The following MGMT variants were observed in gnomAD, a reference collection of about 807,000 sequenced individuals.
MGMT encodes the protein O-6-methylguanine-DNA methyltransferase.
A neutral mutation model predicts 15.9 loss-of-function variants in MGMT; 14 were observed. The observed-to-expected ratio is 0.88, with a 90% CI of 0.58 to 1.37. The LOEUF is 1.37. Among genes scored for constraint, MGMT ranks in the 40% most tolerant of loss-of-function variants. MGMT has a pLI of 0.00. For synonymous variants in MGMT, 130 were observed against 118.2 expected (o/e 1.10, Z -0.65); for missense variants, 282 against 268.1 (o/e 1.05, Z -0.36).
chr10:129,625,031 A>G (rs1847131147), intron 2 of MGMT, among the ~76,000 whole-genome samples: 1 of 152,230 alleles, frequency 6.6e-6, no homozygotes, highest in Non-Finnish European at 1.5e-5. Flanking sequence ...GCCAAACCTG[A>G]TGAAGAAAAA....
intron 2 of MGMT, among the ~76,000 whole-genome samples, chr10:129,704,536 C>T (rs1449562909): frequency 6.6e-6 from 1 of 152,136 alleles, no homozygotes; most frequent in Admixed American, 6.5e-5. Flanking sequence ...TGTCTGGCCG[C>T]AGTGTCCACG....
chr10:129,494,999 G>T (rs1845506257), intron 1 of MGMT, among the ~76,000 whole-genome samples: 1 of 152,194 alleles, frequency 6.6e-6, no homozygotes, highest in African/African-American at 2.4e-5. Flanking sequence ...AAGCGGAGAA[G>T]AATAAAAGAT....
intron 2 of MGMT, among the ~76,000 whole-genome samples, chr10:129,570,602 G>A (rs1358755178): frequency 1.3e-5 from 2 of 152,234 alleles, no homozygotes; most frequent in African/African-American, 4.8e-5. Context: ...GCAACATAAT[G>A]AGTTCTGTTT....
intron 1 of MGMT, among the ~76,000 whole-genome samples, chr10:129,480,131 T>C (rs1455392590): frequency 2.6e-5 from 4 of 152,240 alleles, no homozygotes; most frequent in Admixed American, 6.5e-5. Flanking sequence ...CTTCTCCTGC[T>C]TCATTCAGTC....
chr10:129,697,676 A>G (rs1848047664), intron 2 of MGMT, among the ~76,000 whole-genome samples: 1 of 152,168 alleles, frequency 6.6e-6, no homozygotes, highest in African/African-American at 2.4e-5. Flanking sequence ...AACCGTGTTC[A>G]TGTACCCCTG....
intron 2 of MGMT, among the ~76,000 whole-genome samples, chr10:129,630,764 C>T (rs1358490699): frequency 1.3e-5 from 2 of 152,226 alleles, no homozygotes; most frequent in Non-Finnish European, 2.9e-5. Flanking sequence ...CTGCTAAATA[C>T]CAATTACTGA....
chr10:129,751,487 T>A (rs1848750038), intron 3 of MGMT, among the ~76,000 whole-genome samples: 1 of 151,960 alleles, frequency 6.6e-6, no homozygotes, highest in South Asian at 2.1e-4. Context: ...TGGATTTTAC[T>A]CTTATCATTT....
chr10:129,606,737 C>G lies in MGMT; in HGVS notation c.125+70360C>G, dbSNP rs942741984. ...TTAATACAGACTAATTACACAGAAT[C>G]TTTCGTCTACGGTGGGATAATAATG... On this transcript the variant is annotated intron_variant, in intron 2 of 4. Coordinates refer to ENST00000651593, the MANE Select transcript of MGMT (RefSeq NM_002412.5). 3.3e-5 allele frequency among the ~76,000 whole-genome samples: 5 copies of G among 152,130 alleles called. No individual in the cohort carries two copies. In the East Asian group the frequency reaches 9.6e-4, roughly 29 times the overall value.
intron 1 of MGMT, among the ~76,000 whole-genome samples, chr10:129,470,032 G>A (rs1231334104): frequency 3.3e-5 from 5 of 152,142 alleles, no homozygotes; most frequent in Non-Finnish European, 5.9e-5. Flanking sequence ...TTATTTAAAC[G>A]AAACCTGAAG....
At chr10:129,564,714 C>G (rs1186468767) in intron 2 of MGMT, among the ~76,000 whole-genome samples, 1 of 147,408 alleles carries the variant, frequency 6.8e-6, no homozygotes, top group Non-Finnish European at 1.5e-5. Context: ...TCTTCCTCCT[C>G]CTCCTGCCCT....
intron 2 of MGMT, among the ~76,000 whole-genome samples, chr10:129,671,546 G>A (rs573877664): frequency 3.3e-5 from 5 of 151,998 alleles, no homozygotes; most frequent in East Asian, 1.9e-4. Flanking sequence ...TGAGACTTCC[G>A]GCCCACAAAA....
At chr10:129,758,638 A>G (rs889717658) in intron 3 of MGMT, among the ~76,000 whole-genome samples, 3 of 152,150 alleles carry the variant, frequency 2.0e-5, no homozygotes, top group East Asian at 3.9e-4. Context: ...CCTATTCACT[A>G]AAGATGCCTG....
In MGMT at chr10:129,664,981, C is replaced by T. The variant is rs191029792; in HGVS notation, c.126-42914C>T. ...GATGCAGAGCAGCCAGAGTCCATTG[C>T]GGGGGAAAATGCTGAATTACAGCCA... On this transcript the variant is annotated intron_variant, in intron 2 of 4. Transcript: ENST00000651593. 4.4e-3 allele frequency among the ~76,000 whole-genome samples: 669 copies of T among 152,164 alleles called. 19 individuals are homozygous for T. The highest frequency in any genetic ancestry group is 0.04 in the Admixed American group (611 of 15,288).
chr10:129,471,608 G>T (rs1845232112), intron 1 of MGMT, among the ~76,000 whole-genome samples: 1 of 152,070 alleles, frequency 6.6e-6, no homozygotes, highest in Admixed American at 6.6e-5. Flanking sequence ...AGGCAACAGT[G>T]GAGGAGCGTT....
chr10:129,494,364 C>T (rs1356448794), intron 1 of MGMT, among the ~76,000 whole-genome samples: 1 of 152,222 alleles, frequency 6.6e-6, no homozygotes, highest in Non-Finnish European at 1.5e-5. Context: ...CCACGTGGAG[C>T]TCAAGCTTCC....
intron 2 of MGMT, among the ~76,000 whole-genome samples, chr10:129,551,608 A>C (rs1846157298): frequency 6.6e-6 from 1 of 152,230 alleles, no homozygotes; most frequent in Non-Finnish European, 1.5e-5. Context: ...TTCAAGGATC[A>C]GTGTCTTCTA....
intron 3 of MGMT, among the ~76,000 whole-genome samples, chr10:129,751,569 T>C (rs1848750992): frequency 6.6e-6 from 1 of 151,950 alleles, no homozygotes; most frequent in African/African-American, 2.4e-5. Flanking sequence ...GAGTTTATTT[T>C]TCTCTTCTTT....
intron 1 of MGMT, among the ~76,000 whole-genome samples, chr10:129,474,595 C>T (rs552513359): frequency 2.6e-5 from 4 of 152,286 alleles, no homozygotes; most frequent in South Asian, 2.1e-4. Context: ...CGACTGCAGC[C>T]GCGTTCAGGC....
intron 3 of MGMT, among the ~76,000 whole-genome samples, chr10:129,725,966 A>G (rs1396539884): frequency 6.6e-6 from 1 of 151,986 alleles, no homozygotes; most frequent in Non-Finnish European, 1.5e-5. Flanking sequence ...TCTTCCACCA[A>G]TACCATGTTG....
Sources: allele counts gnomAD v4.1 joint callset (sites outside exome capture counted in the v4.1 genomes callset), GRCh38; gene constraint gnomAD v4.1.1; transcripts MANE v1.5; gene names NCBI Gene and HGNC (gene_info 2026-07-23, HGNC 2026-07-21).